ANKS1A: variants seen among roughly 807,000 people sequenced by gnomAD.
ANKS1A encodes the protein ankyrin repeat and sterile alpha motif domain containing 1A.
Under a neutral mutation model 120.3 loss-of-function variants are expected in ANKS1A, and 55 were observed. The ratio of observed to expected loss-of-function variants is 0.46; its 90% CI spans 0.37 to 0.57. The LOEUF (loss-of-function observed/expected upper bound fraction) is 0.57, where lower values mean the gene tolerates loss of function less well. ANKS1A is among the 20% of genes least tolerant of loss of function. The probability of loss-of-function intolerance (pLI) is 0.00; values close to 1 mark genes in which losing one functional copy is unlikely to be tolerated. For missense variants in ANKS1A, 1,123 were observed against 1,480.3 expected, an observed-to-expected ratio of 0.76 and a Z score of 3.96; for synonymous variants, 590 against 604.7, an observed-to-expected ratio of 0.98 and a Z score of 0.36.
chr6:35,046,446 A>G (rs889248967), intron 11 of ANKS1A, among the ~76,000 whole-genome samples: 1 of 152,190 alleles, frequency 6.6e-6, no homozygotes, highest in South Asian at 2.1e-4. Flanking sequence ...CTTACAATTT[A>G]TTATCCTCTA....
intron 1 of ANKS1A, among the ~76,000 whole-genome samples, chr6:34,914,891 G>C (rs1385209571): frequency 6.6e-6 from 1 of 152,172 alleles, no homozygotes; most frequent in Non-Finnish European, 1.5e-5. Flanking sequence ...GGTCTTATAA[G>C]AGCTTCTGGG....
intron 1 of ANKS1A, among the ~76,000 whole-genome samples, chr6:34,922,069 TG>T (rs534644713): frequency 1.1e-3 from 170 of 151,744 alleles, no homozygotes; most frequent in Non-Finnish European, 1.8e-3. Context: ...CTCGAACTCT[TG>T]GGCTCAGGGG....
intron 13 of ANKS1A, among the ~76,000 whole-genome samples, chr6:35,073,544 G>T (rs1411154160): frequency 6.6e-6 from 1 of 152,204 alleles, no homozygotes; most frequent in Non-Finnish European, 1.5e-5. Flanking sequence ...CTTCCTCAGG[G>T]ACTGGACCCA....
Position 35,085,153 on chromosome 6 carries a change from A to T in ANKS1A, c.3133-613A>T, listed in dbSNP as rs1040678887. On this transcript the variant is annotated intron_variant, in intron 21 of 23. Transcript: ENST00000360359. This position sits in a 1 kb window ranked among gnomAD's most constrained non-coding sequence, Gnocchi z 4.7. ...TGCTTGCTGGCTGTGTGAGCTTGGA[A>T]ACATCGCATCTGCCTGCTTCCTCAT... is the stretch of plus-strand genomic sequence containing the variant. 6.6e-6 allele frequency among the ~76,000 whole-genome samples: 1 copy of T among 152,116 alleles called. No individual in the cohort carries two copies. The highest frequency in any genetic ancestry group is 2.4e-5 in the African/African-American group (1 of 41,418).
rs1461025044 is a variant in ANKS1A at position 35,066,979 on chromosome 6, GTTCCACTCTTGTT to G, written c.2184+6728_2184+6740del. Among the ~76,000 whole-genome samples, 51 of 152,280 alleles carry G rather than the reference GTTCCACTCTTGTT, an allele frequency of 3.3e-4. No individual in the cohort carries two copies. In the East Asian group the frequency reaches 8.7e-3, roughly 26 times the overall value. On this transcript the variant is annotated intron_variant, in intron 13 of 23. Transcript: ENST00000360359. ...GGTAGCAAACCCTGTGAGGCAGGCG[GTTCCACTCTTGTT>G]TAGCAGGTCCTGCTTTCTTAAGAAC... is the stretch of plus-strand genomic sequence containing the variant.
chr6:35,017,103 A>G (rs2127557599), intron 10 of ANKS1A, among the ~76,000 whole-genome samples: 1 of 151,400 alleles, frequency 6.6e-6, no homozygotes, highest in South Asian at 2.1e-4. Flanking sequence ...ATGTTCACTC[A>G]CTCTGTCCTG....
At chr6:35,051,098 G>C (rs143121395) in intron 11 of ANKS1A, among the ~76,000 whole-genome samples, 4 of 152,236 alleles carry the variant, frequency 2.6e-5, no homozygotes, top group African/African-American at 9.6e-5. Context: ...GGAGGCTGAC[G>C]CGGGAGGATC....
intron 1 of ANKS1A, among the ~76,000 whole-genome samples, chr6:34,952,457 G>A (rs1770133932): frequency 6.6e-6 from 1 of 152,128 alleles, no homozygotes. Flanking sequence ...ACTGATTAAG[G>A]CAACTTTCCT....
At chr6:34,959,866 G>A (rs1349841024) in intron 1 of ANKS1A, among the ~76,000 whole-genome samples, 2 of 152,158 alleles carry the variant, frequency 1.3e-5, no homozygotes, top group Non-Finnish European at 2.9e-5. Flanking sequence ...AAGAGACTTA[G>A]TTTCTGATCA....
intron 10 of ANKS1A, among the ~76,000 whole-genome samples, chr6:35,011,906 C>A (rs777195633): frequency 5.3e-5 from 8 of 152,146 alleles, no homozygotes; most frequent in Admixed American, 2.0e-4. Flanking sequence ...CATTGTATAT[C>A]TTGTGACAGA....
intron 10 of ANKS1A, among the ~76,000 whole-genome samples, chr6:35,009,669 G>A (rs1391351886): frequency 1.3e-5 from 2 of 151,956 alleles, no homozygotes; most frequent in Non-Finnish European, 2.9e-5. Flanking sequence ...TTGGGAGGTT[G>A]AGGTGGGTGG....
intron 1 of ANKS1A, among the ~76,000 whole-genome samples, chr6:34,900,159 TAA>T (rs773015033): frequency 2.0e-5 from 3 of 152,294 alleles, no homozygotes; most frequent in Non-Finnish European, 4.4e-5. Context: ...AAGCAAAAGT[TAA>T]GAGAGAGGTT....
chr6:34,995,581 CTTAT>C (rs1392415348), intron 10 of ANKS1A, among the ~76,000 whole-genome samples: 11 of 152,278 alleles, frequency 7.2e-5, no homozygotes, highest in African/African-American at 2.6e-4. Flanking sequence ...TCTACCTTCC[CTTAT>C]TTCTCACAAC....
At chr6:35,062,541 A>T (rs1776561780) in intron 13 of ANKS1A, among the ~76,000 whole-genome samples, 1 of 152,212 alleles carries the variant, frequency 6.6e-6, no homozygotes, top group Admixed American at 6.5e-5. Flanking sequence ...CTTCTACAAG[A>T]TGCAGAAGTA....
intron 1 of ANKS1A, among the ~76,000 whole-genome samples, chr6:34,908,795 A>G (rs1581677690): frequency 6.6e-6 from 1 of 152,138 alleles, no homozygotes; most frequent in East Asian, 1.9e-4. Flanking sequence ...GGACAGAGTC[A>G]CCGTTTTAAG....
chr6:34,971,483 A>G (rs929858408), intron 3 of ANKS1A, among the ~76,000 whole-genome samples: 3 of 152,116 alleles, frequency 2.0e-5, no homozygotes, highest in African/African-American at 7.2e-5. Flanking sequence ...CTTATATGAT[A>G]AGCCATTCTC....
chr6:34,897,337 G>A (rs1457564203), intron 1 of ANKS1A, among the ~76,000 whole-genome samples: 1 of 152,144 alleles, frequency 6.6e-6, no homozygotes, highest in Non-Finnish European at 1.5e-5. Context: ...CCCTTCAGGA[G>A]GTTCTTTTTC....
chr6:35,049,318 A>G (rs535543439), intron 11 of ANKS1A, among the ~76,000 whole-genome samples: 17 of 152,346 alleles, frequency 1.1e-4, no homozygotes, highest in African/African-American at 4.1e-4. Flanking sequence ...GCGATAGCTA[A>G]CAAACATTTG....
chr6:35,010,207 A>T (rs1773686716), intron 10 of ANKS1A, among the ~76,000 whole-genome samples: 1 of 152,066 alleles, frequency 6.6e-6, no homozygotes. Flanking sequence ...AGTAGAGCTT[A>T]TGTTTAGAGG....
Sources: gnomAD v4.1 joint callset for allele counts (sites outside exome capture counted in the v4.1 genomes callset) on GRCh38, gnomAD v4.1.1 for gene constraint, Gnocchi (gnomAD v3.1) non-coding constraint, MANE v1.5 for transcripts, NCBI Gene and HGNC (gene_info 2026-07-23, HGNC 2026-07-21) for gene names.